The following DOCK4 variants were observed in gnomAD, a reference collection of about 807,000 sequenced individuals.
The protein encoded by DOCK4 is dedicator of cytokinesis protein 4.
In DOCK4, 97 loss-of-function variants were observed where a neutral mutation model predicts 268.1. The observed-to-expected ratio is 0.36, with a 90% CI of 0.31 to 0.43. The LOEUF (loss-of-function observed/expected upper bound fraction) is 0.43. DOCK4 is among the 20% of genes least tolerant of loss of function. The probability of loss-of-function intolerance (pLI) is 1.00; values close to 1 mark genes in which losing one functional copy is unlikely to be tolerated. For missense variants in DOCK4, 2,145 were observed against 2,455.7 expected (o/e 0.87, Z 2.67); for synonymous variants, 954 against 887.2 (o/e 1.08, Z -1.34).
intron 1 of DOCK4, among the ~76,000 whole-genome samples, chr7:112,023,063 G>C (rs1369618617): frequency 6.6e-6 from 1 of 152,078 alleles, no homozygotes; most frequent in Non-Finnish European, 1.5e-5. Context: ...GAGTAGCTGG[G>C]ATTACAGGTG....
At chr7:111,949,695 T>C (rs1795901284) in intron 8 of DOCK4, among the ~76,000 whole-genome samples, 1 of 152,088 alleles carries the variant, frequency 6.6e-6, no homozygotes, top group African/African-American at 2.4e-5. Context: ...TTTTTATTCA[T>C]TTGATGACAT....
At position 111,765,197 on chromosome 7, in the gene DOCK4, T is replaced by C. The variant is rs1050278430; in HGVS notation, c.3941A>G (p.Lys1314Arg). Reference protein sequence around the residue: ...MRMMEASLYDKIMDQQRLEPE... With the variant: ...MRMMEASLYDRIMDQQRLEPE... ...TTCAAGACGTTGCTGGTCCATAATT[T>C]TGTCATACAAAGAGGCTTCCATCAT... Residue 1314 changes from lysine (K) to arginine (R), a missense_variant, in exon 39 of 53, where the codon AAA (lysine) becomes AGA (arginine). Lys to Arg is a conservative substitution (Grantham distance 26). Around this residue, in one of 2 missense-constraint regions of DOCK4, gnomAD observed 1,598 missense variants for 1,986.7 expected, o/e 0.80. Coordinates refer to ENST00000428084, the MANE Select transcript of DOCK4 (RefSeq NM_001363540.2). The C allele has an allele frequency of 2.6e-6, 4 of 1,555,232 alleles. No individual in the cohort carries two copies. Among genetic ancestry groups the C allele is most frequent in the South Asian group, 2.5e-5 (2 of 80,230 alleles).
At chr7:111,810,500 A>C (rs1801042661) in intron 28 of DOCK4, among the ~76,000 whole-genome samples, 1 of 152,100 alleles carries the variant, frequency 6.6e-6, no homozygotes, top group Admixed American at 6.6e-5. Context: ...ATTCACAAAA[A>C]TATGAATTTT....
intron 23 of DOCK4, among the ~76,000 whole-genome samples, chr7:111,851,905 C>A (rs1015871642): frequency 6.7e-6 from 1 of 150,014 alleles, no homozygotes; most frequent in African/African-American, 2.5e-5. Context: ...ATAAGGAGTG[C>A]AAATAAAGCA....
chr7:111,962,164 G>A (rs1415479907), intron 8 of DOCK4, among the ~76,000 whole-genome samples: 2 of 151,860 alleles, frequency 1.3e-5, no homozygotes, highest in African/African-American at 2.4e-5. Flanking sequence ...TTTACTAGTA[G>A]GTCTCTCTAA....
At chr7:111,797,747 A>C (rs919495183) in intron 30 of DOCK4, among the ~76,000 whole-genome samples, 1 of 152,194 alleles carries the variant, frequency 6.6e-6, no homozygotes, top group Non-Finnish European at 1.5e-5. Context: ...TAATTACTCT[A>C]AACTGTCTAT....
intron 1 of DOCK4, among the ~76,000 whole-genome samples, chr7:112,086,757 C>T (rs1809128285): frequency 6.6e-6 from 1 of 152,098 alleles, no homozygotes; most frequent in Non-Finnish European, 1.5e-5. Flanking sequence ...GAGCCAAGGC[C>T]ATCCTGCCCA....
In DOCK4 at chr7:111,983,862, G is replaced by GCGCA; in HGVS notation, c.549+443_549+444insTGCG. On this transcript the variant is annotated intron_variant, in intron 7 of 52. Transcript: ENST00000428084. Reference sequence around the variant, plus strand: ...CACACACACGCGCGCGCGCGCGCGCGCACACACACACACACACACACACAC... The same window carrying GCGCA: ...CACACACACGCGCGCGCGCGCGCGCGCGCACACACACACACACACACACACACAC... Among the ~76,000 whole-genome samples, 564 of 138,628 alleles carry GCGCA rather than the reference G, an allele frequency of 4.1e-3. 4 individuals are homozygous for GCGCA. Among genetic ancestry groups the GCGCA allele is most frequent in the Middle Eastern group, 0.018 (5 of 276 alleles). The allele number at this position is 138,628 out of a possible 152,430, so 90.9% of individuals were successfully genotyped here. A position where few individuals can be genotyped will look rare whatever the true frequency, so the allele number is the denominator to read the frequency against.
chr7:111,809,307 A>G lies in DOCK4; in HGVS notation c.3101T>C (p.Leu1034Ser). ...ATTATACACTGATACTTACTTTTCT[A>G]ACACCTTTTTCTTCTTGGAAGGTGT... ...MFTPSKKKKV[L>S]EKYGDMRVTM... The change falls in exon 29 of 53, where the codon TTA becomes TCA. Residue 1034 changes from leucine to serine, a missense_variant. Around this residue, in one of 2 missense-constraint regions of DOCK4, gnomAD observed 1,598 missense variants for 1,986.7 expected, o/e 0.80. Coordinates refer to ENST00000428084, the MANE Select transcript of DOCK4 (RefSeq NM_001363540.2). 6.4e-7 allele frequency: 1 copy of G among 1,555,496 alleles called. No individual in the cohort carries two copies. The highest frequency in any genetic ancestry group is 8.7e-7 in the Non-Finnish European group (1 of 1,147,900).
At chr7:111,920,471 T>C (rs993089874) in intron 12 of DOCK4, among the ~76,000 whole-genome samples, 1 of 152,184 alleles carries the variant, frequency 6.6e-6, no homozygotes, top group Non-Finnish European at 1.5e-5. Flanking sequence ...ACATTCCAAT[T>C]ACCTGAGATT....
chr7:111,911,025 G>C (rs1171842687), intron 13 of DOCK4, among the ~76,000 whole-genome samples: 1 of 152,212 alleles, frequency 6.6e-6, no homozygotes, highest in East Asian at 1.9e-4. Flanking sequence ...ATCGAAAAGA[G>C]TTTTGTGTAT....
chr7:112,059,038 CAACCACTCGG>C (rs1806114002), intron 1 of DOCK4, among the ~76,000 whole-genome samples: 1 of 150,890 alleles, frequency 6.6e-6, no homozygotes, highest in South Asian at 2.1e-4. Flanking sequence ...AACCTTGTTA[CAACCACTCGG>C]GAAATTCAGA....
chr7:111,901,565 G>A lies in DOCK4; in HGVS notation c.1317+112C>T, dbSNP rs17158975. 1.2e-3 allele frequency: 1,261 copies of A among 1,080,536 alleles called. 11 individuals carry two copies. In the African/African-American group the frequency reaches 0.018, roughly 15 times the overall value. 66.9% of individuals were successfully genotyped at this position (1,080,536 alleles called of 1,614,324 possible). On this transcript the variant is annotated intron_variant, in intron 14 of 52. Coordinates refer to ENST00000428084, the MANE Select transcript of DOCK4 (RefSeq NM_001363540.2). ...GGAGAAAAATAAGATAGAAAATAAC[G>A]CAAATCAGAAATTAACTGATCGTAA...
In DOCK4 at chr7:111,739,212, ATGTTTG is replaced by A. The variant is rs780235664; in HGVS notation, c.5148_5153del (p.Lys1717_His1718del). 6.2e-7 allele frequency: 1 copy of A among 1,614,004 alleles called. No homozygotes were observed. Among genetic ancestry groups the A allele is most frequent in the Non-Finnish European group, 8.5e-7 (1 of 1,179,880 alleles). Reference sequence around the variant, plus strand: ...GTGACAGGCAAGAGTTTTCTCGGGAATGTTTGTGTTTGTCAGACAACAAAGGAGAAG... The same window carrying A: ...GTGACAGGCAAGAGTTTTCTCGGGAATGTTTGTCAGACAACAAAGGAGAAG... On this transcript the variant is annotated inframe_deletion, in exon 49 of 53. Transcript: ENST00000428084.
At position 111,935,301 on chromosome 7, in the gene DOCK4, C is replaced by G. The variant is rs1427993038; in HGVS notation, c.1066+239G>C. ...AGTATGAAGACTTGGTACCAAAGAA[C>G]AAATTCAGATTATCTTTTTCGTTTC... On this transcript the variant is annotated intron_variant, in intron 12 of 52. Transcript: ENST00000428084. 18 of 526,598 alleles carry G rather than the reference C, an allele frequency of 3.4e-5. 1 individual carries two copies. Among genetic ancestry groups the G allele is most frequent in the South Asian group, 3.1e-4 (17 of 55,328 alleles). 32.6% of individuals were successfully genotyped at this position (526,598 alleles called of 1,614,324 possible).
chr7:111,747,511 A>T, intron 42 of DOCK4, 68 bp from the exon 43 acceptor site: 1 of 1,444,794 alleles, frequency 6.9e-7, no homozygotes, highest in Non-Finnish European at 9.3e-7. Flanking sequence ...AAAGTAGTTT[A>T]TCCATGTTCT....
chr7:111,981,941 C>A (rs530663293), intron 7 of DOCK4, among the ~76,000 whole-genome samples: 29 of 152,256 alleles, frequency 1.9e-4, no homozygotes, highest in African/African-American at 6.5e-4. Flanking sequence ...AGAACAGAGA[C>A]AAAATTACAT....
intron 1 of DOCK4, among the ~76,000 whole-genome samples, chr7:112,192,740 A>G (rs909598237): frequency 2.0e-5 from 3 of 152,204 alleles, no homozygotes; most frequent in African/African-American, 7.2e-5. Context: ...ATCCAGTTCT[A>G]TATCTCTTTG....
At chr7:111,781,285 A>G (rs1011872430) in intron 35 of DOCK4, among the ~76,000 whole-genome samples, 1 of 152,196 alleles carries the variant, frequency 6.6e-6, no homozygotes, top group African/African-American at 2.4e-5. Context: ...GAAGACCTAA[A>G]GCTTATCAAG....
Sources: gnomAD v4.1 joint callset for allele counts (sites outside exome capture counted in the v4.1 genomes callset) on GRCh38, gnomAD v4.1.1 for gene constraint, gnomAD v4.1.1 regional missense constraint, MANE v1.5 for transcripts, NCBI Gene and HGNC (gene_info 2026-07-23, HGNC 2026-07-21) for gene names.